Variants in TRHDE observed in about 807,000 individuals in gnomAD.
TRHDE encodes the protein thyrotropin-releasing hormone-degrading ectoenzyme.
In TRHDE, 72 loss-of-function variants were observed where a neutral mutation model predicts 125.7. The observed-to-expected ratio is 0.57, with a 90% CI of 0.47 to 0.70. The LOEUF (loss-of-function observed/expected upper bound fraction) is 0.70. Ranked by LOEUF, TRHDE falls within the 30% of genes least tolerant of loss-of-function variation. The probability of loss-of-function intolerance (pLI) is 0.00; values close to 1 mark genes in which losing one functional copy is unlikely to be tolerated. For missense variants in TRHDE, 1,110 were observed against 1,327.1 expected (o/e 0.84, Z 2.54); for synonymous variants, 509 against 509.1 (o/e 1.00, Z 0.00).
intron 2 of TRHDE, among the ~76,000 whole-genome samples, chr12:72,338,724 T>C (rs1869944380): frequency 6.6e-6 from 1 of 152,198 alleles, no homozygotes; most frequent in Non-Finnish European, 1.5e-5. Flanking sequence ...TTGCTACTGC[T>C]GCTTATGGTG....
intron 2 of TRHDE, among the ~76,000 whole-genome samples, chr12:72,332,505 C>A (rs1241144399): frequency 6.6e-6 from 1 of 152,102 alleles, no homozygotes; most frequent in Non-Finnish European, 1.5e-5. Context: ...TGGTGCTAAA[C>A]CATTCGTGAG....
At chr12:72,485,876 C>T (rs1877381271) in intron 5 of TRHDE, among the ~76,000 whole-genome samples, 1 of 152,104 alleles carries the variant, frequency 6.6e-6, no homozygotes. Context: ...GTCATTGCTG[C>T]ACTGCTTCCC....
intron 15 of TRHDE, among the ~76,000 whole-genome samples, chr12:72,635,693 A>G (rs1429530787): frequency 6.6e-6 from 1 of 150,394 alleles, no homozygotes; most frequent in Non-Finnish European, 1.5e-5. Flanking sequence ...GGTGTAAGGA[A>G]GGGATCCAGT....
chr12:72,478,348 T>G (rs1430441929), intron 5 of TRHDE, among the ~76,000 whole-genome samples: 2 of 152,132 alleles, frequency 1.3e-5, no homozygotes, highest in African/African-American at 4.8e-5. Flanking sequence ...TCCCAGTCTT[T>G]GAAATGGACC....
chr12:72,115,149 A>G (rs529787321), intron 2 of TRHDE, among the ~76,000 whole-genome samples: 53 of 151,884 alleles, frequency 3.5e-4, no homozygotes, highest in South Asian at 1.7e-3. Flanking sequence ...TATACTCTCC[A>G]TGTTGTGCTA....
intron 2 of TRHDE, among the ~76,000 whole-genome samples, chr12:72,248,722 A>T (rs1207665923): frequency 6.6e-6 from 1 of 152,216 alleles, no homozygotes; most frequent in Non-Finnish European, 1.5e-5. Flanking sequence ...AAACCTATTG[A>T]GCTGTGAGAA....
intron 10 of TRHDE, among the ~76,000 whole-genome samples, chr12:72,572,453 A>G (rs1870790522): frequency 6.6e-6 from 1 of 152,114 alleles, no homozygotes; most frequent in South Asian, 2.1e-4. Flanking sequence ...ATCAAATACC[A>G]TACCTCATTA....
chr12:72,277,328 T>C (rs1372301148), intron 1 of TRHDE, among the ~76,000 whole-genome samples: 1 of 152,214 alleles, frequency 6.6e-6, no homozygotes, highest in Non-Finnish European at 1.5e-5. Flanking sequence ...TCTGATGCCT[T>C]GTAATTTACT....
chr12:72,633,171 G>A (rs1312980817), intron 15 of TRHDE, among the ~76,000 whole-genome samples: 1 of 151,836 alleles, frequency 6.6e-6, no homozygotes, highest in African/African-American at 2.4e-5. Flanking sequence ...AATTTTAAAA[G>A]CCACTTGAAA....
intron 15 of TRHDE, among the ~76,000 whole-genome samples, chr12:72,639,779 C>A (rs1466118375): frequency 1.3e-5 from 2 of 152,120 alleles, no homozygotes; most frequent in South Asian, 2.1e-4. Context: ...TGTCAGTCTG[C>A]CCCTGCTAGG....
chr12:72,652,647 C>T (rs1874551792), intron 16 of TRHDE, among the ~76,000 whole-genome samples, 158 bp downstream of exon 16: 1 of 151,348 alleles, frequency 6.6e-6, no homozygotes. Context: ...ACTAAAGCTA[C>T]TTGATTTCAG....
intron 2 of TRHDE, among the ~76,000 whole-genome samples, chr12:72,148,363 A>G (rs1876276417): frequency 6.6e-6 from 1 of 152,226 alleles, no homozygotes; most frequent in Non-Finnish European, 1.5e-5. Flanking sequence ...AGCTTTAATT[A>G]TTTAATCAAT....
intron 14 of TRHDE, 111 bp downstream of exon 14, chr12:72,621,316 T>C: frequency 1.3e-6 from 1 of 744,702 alleles, no homozygotes. Context: ...TCATTCTTCA[T>C]CTTACATTTC....
At chr12:72,457,778 T>G (rs1234872669) in intron 3 of TRHDE, among the ~76,000 whole-genome samples, 2 of 152,204 alleles carry the variant, frequency 1.3e-5, no homozygotes, top group East Asian at 3.8e-4. Context: ...CATAAATAAT[T>G]TCTTTTAAAG....
chr12:72,446,700 C>T (rs1055073833), intron 3 of TRHDE, among the ~76,000 whole-genome samples: 2 of 151,998 alleles, frequency 1.3e-5, no homozygotes, highest in Non-Finnish European at 2.9e-5. Context: ...ACAAAAACAG[C>T]AGGGGTTGCA....
intron 6 of TRHDE, among the ~76,000 whole-genome samples, chr12:72,512,501 TA>T (rs1434794271): frequency 2.9e-5 from 4 of 138,842 alleles, no homozygotes; most frequent in Non-Finnish European, 6.1e-5. Flanking sequence ...ATATATTATA[TA>T]GTTATAATTA....
chr12:72,575,394 C>T lies in TRHDE; in HGVS notation c.2265+6C>T. 5.0e-6 allele frequency: 8 copies of T among 1,613,576 alleles called. No individual in the cohort carries two copies. The highest frequency in any genetic ancestry group is 6.8e-6 in the Non-Finnish European group (8 of 1,179,688). On this transcript the variant is annotated splice_donor_region_variant and intron_variant, in intron 11 of 18. Transcript: ENST00000261180. ...AATTAATCCGGAATCATGAGGTACA[C>T]TCCAGATTTGCTTATCAAAGATAAT...
At chr12:72,535,562 T>TA (rs1868812606) in intron 6 of TRHDE, among the ~76,000 whole-genome samples, 1 of 152,150 alleles carries the variant, frequency 6.6e-6, no homozygotes, top group South Asian at 2.1e-4. Context: ...TTCTCTTTTT[T>TA]CCCTTGTTCT....
chr12:72,094,554 G>T (rs1172775648), intron 1 of TRHDE, among the ~76,000 whole-genome samples: 1 of 152,248 alleles, frequency 6.6e-6, no homozygotes. Flanking sequence ...ATCTCTTCCA[G>T]TCCCTGTATA....
Sources: allele counts gnomAD v4.1 joint callset (sites outside exome capture counted in the v4.1 genomes callset), GRCh38; gene constraint gnomAD v4.1.1; transcripts MANE v1.5; gene names NCBI Gene and HGNC (gene_info 2026-07-23, HGNC 2026-07-21).